RNF138: variants seen among roughly 807,000 people sequenced by gnomAD.
RNF138 encodes E3 ubiquitin-protein ligase RNF138.
RNF138 carries 12 observed loss-of-function variants against 31.0 expected under a neutral mutation model. That is an observed-to-expected ratio of 0.39 (90% CI 0.25 to 0.63). The LOEUF (loss-of-function observed/expected upper bound fraction) is 0.63. RNF138 is among the 20% of genes least tolerant of loss of function. The pLI, the probability that RNF138 is intolerant of heterozygous loss-of-function variation, is 0.52. For missense variants in RNF138, 192 were observed against 300.1 expected, an observed-to-expected ratio of 0.64 and a Z score of 2.66; for synonymous variants, 105 against 99.5, an observed-to-expected ratio of 1.06 and a Z score of -0.33.
chr18:32,114,663 T>G (rs559246739), intron 4 of RNF138, among the ~76,000 whole-genome samples: 1 of 152,308 alleles, frequency 6.6e-6, no homozygotes, highest in African/African-American at 2.4e-5. Flanking sequence ...TTTTGAAAAC[T>G]TCAGTAGTAA....
intron 2 of RNF138, among the ~76,000 whole-genome samples, chr18:32,106,963 T>G (rs2040040166): frequency 6.6e-6 from 1 of 152,078 alleles, no homozygotes; most frequent in Non-Finnish European, 1.5e-5. Flanking sequence ...TGCTGACATA[T>G]TTTTTAGCTC....
intron 2 of RNF138, among the ~76,000 whole-genome samples, chr18:32,101,586 C>G (rs1435957658): frequency 6.6e-6 from 1 of 151,894 alleles, no homozygotes. Context: ...TTTAAGAATT[C>G]AAGATCATGA....
chr18:32,093,025 T>G, intron 2 of RNF138, 139 bp downstream of exon 2: 71 of 449,050 alleles, frequency 1.6e-4, no homozygotes, highest in Non-Finnish European at 2.2e-4. Context: ...CGAGGTCCCG[T>G]TCCCCGCCCC....
chr18:32,128,880 CCTCT>C (rs993934458), intron 7 of RNF138, among the ~76,000 whole-genome samples: 4 of 150,498 alleles, frequency 2.7e-5, no homozygotes, highest in African/African-American at 4.9e-5. Flanking sequence ...CTGTGATGAT[CCTCT>C]CTGTTTGTTT....
intron 6 of RNF138, among the ~76,000 whole-genome samples, chr18:32,125,452 G>C (rs2040369003): frequency 6.6e-6 from 1 of 152,184 alleles, no homozygotes; most frequent in South Asian, 2.1e-4. Flanking sequence ...TGTTTCATAG[G>C]TAAGTTATTT....
intron 1 of RNF138, 119 bp from the exon 2 acceptor site, chr18:32,092,580 GC>G (rs971612313): frequency 5.9e-5 from 34 of 576,712 alleles, no homozygotes; most frequent in South Asian, 2.0e-4. Flanking sequence ...GTCGCCTCTT[GC>G]CCGGCGCGTG....
At chr18:32,119,666 C>T (rs1006014022) in intron 4 of RNF138, among the ~76,000 whole-genome samples, 3 of 152,202 alleles carry the variant, frequency 2.0e-5, no homozygotes, top group African/African-American at 4.8e-5. Flanking sequence ...TCAGGTGATC[C>T]GCCTGCCTTG....
intron 4 of RNF138, among the ~76,000 whole-genome samples, chr18:32,117,425 G>T (rs2040235387): frequency 6.6e-6 from 1 of 152,112 alleles, no homozygotes; most frequent in Non-Finnish European, 1.5e-5. Context: ...GGAGGAAATA[G>T]ATAACAGAAC....
chr18:32,100,545 G>A (rs916305736), intron 2 of RNF138, among the ~76,000 whole-genome samples: 3 of 139,198 alleles, frequency 2.2e-5, no homozygotes, highest in Non-Finnish European at 4.5e-5. Flanking sequence ...GCGCGATCTC[G>A]GCTCACTGCA....
chr18:32,120,981 C>A (rs551090617), intron 4 of RNF138, among the ~76,000 whole-genome samples: 2 of 151,682 alleles, frequency 1.3e-5, no homozygotes, highest in South Asian at 2.1e-4. Flanking sequence ...ACTAAAAATA[C>A]AAAAATTAGC....
Position 32,115,793 on chromosome 18 carries a change from T to G in RNF138, c.392+1933T>G, listed in dbSNP as rs190735183. 3.7e-3 allele frequency among the ~76,000 whole-genome samples: 559 copies of G among 152,142 alleles called. 4 individuals carry two copies. The highest frequency in any genetic ancestry group is 3.6e-3 in the Non-Finnish European group (244 of 67,984). On this transcript the variant is annotated intron_variant, in intron 4 of 7. Transcript: ENST00000261593. ...CGCACGCACGCACACACACACTTCC[T>G]TATTCCAAAGCCCTTTCTGATCTGG...
chr18:32,102,881 T>G (rs1158659047), intron 2 of RNF138, among the ~76,000 whole-genome samples: 1 of 152,094 alleles, frequency 6.6e-6, no homozygotes, highest in Non-Finnish European at 1.5e-5. Flanking sequence ...TCCACCTGCC[T>G]TGGCCTCACA....
At position 32,104,354 on chromosome 18, in the gene RNF138, C is replaced by CTAA. The variant is rs549705189; in HGVS notation, c.111-7399_111-7397dup. On this transcript the variant is annotated intron_variant, in intron 2 of 7. Transcript: ENST00000261593. ...AAAATCCTCATTAAGGGTGGCTTCC[C>CTAA]TAAAATCTATAGCAAATATACCTAG... 2.2e-4 allele frequency among the ~76,000 whole-genome samples: 34 copies of CTAA among 152,130 alleles called. No individual in the cohort carries two copies. The Middle Eastern group carries it at 0.01, about 46-fold the overall frequency.
At chr18:32,096,239 A>C (rs2039802090) in intron 2 of RNF138, among the ~76,000 whole-genome samples, 1 of 152,218 alleles carries the variant, frequency 6.6e-6, no homozygotes. Context: ...ATTTTTAGAA[A>C]GTTTACCTTC....
At chr18:32,099,844 C>A (rs79895200) in intron 2 of RNF138, among the ~76,000 whole-genome samples, 1 of 152,192 alleles carries the variant, frequency 6.6e-6, no homozygotes, top group African/African-American at 2.4e-5. Context: ...CTTAAGCCTA[C>A]TAATATATCG....
At chr18:32,105,931 T>G (rs1228301319) in intron 2 of RNF138, among the ~76,000 whole-genome samples, 1 of 152,204 alleles carries the variant, frequency 6.6e-6, no homozygotes, top group Non-Finnish European at 1.5e-5. Flanking sequence ...AAAACATAGC[T>G]GAATATAACA....
In RNF138 at chr18:32,126,853, A is replaced by G. The variant is rs979182538; in HGVS notation, c.669+53A>G. 4.3e-6 allele frequency: 5 copies of G among 1,151,574 alleles called. No individual in the cohort carries two copies. The Admixed American group carries it at 5.5e-5, about 13-fold the overall frequency. The allele number at this position is 1,151,574 out of a possible 1,614,324, so 71.3% of individuals were successfully genotyped here. ...GTACTGTTTAAATATTAAAGTTAAA[A>G]TAACTTTTTTGTAATCGACTTAAAT... On this transcript the variant is annotated intron_variant, in intron 7 of 7. Transcript: ENST00000261593.
At chr18:32,117,421 A>G (rs1568236832) in intron 4 of RNF138, among the ~76,000 whole-genome samples, 1 of 152,190 alleles carries the variant, frequency 6.6e-6, no homozygotes, top group South Asian at 2.1e-4. Flanking sequence ...GAGAGGAGGA[A>G]ATAGATAACA....
At chr18:32,120,888 A>T (rs1433278302) in intron 4 of RNF138, among the ~76,000 whole-genome samples, 1 of 152,158 alleles carries the variant, frequency 6.6e-6, no homozygotes, top group African/African-American at 2.4e-5. Flanking sequence ...TCATGTCTGT[A>T]ATCCCTGTAC....
Sources: gnomAD v4.1 joint callset for allele counts (sites outside exome capture counted in the v4.1 genomes callset) on GRCh38, gnomAD v4.1.1 for gene constraint, MANE v1.5 for transcripts, NCBI Gene and HGNC (gene_info 2026-07-23, HGNC 2026-07-21) for gene names.